The following PAPPA variants were observed in gnomAD, a reference collection of about 807,000 sequenced individuals.
PAPPA encodes the protein pappalysin 1, also known as pappalysin-1.
Under a neutral mutation model 164.0 loss-of-function variants are expected in PAPPA, and 60 were observed. The ratio of observed to expected loss-of-function variants is 0.37; its 90% CI spans 0.30 to 0.45. PAPPA has a LOEUF of 0.45. PAPPA is among the 20% of genes least tolerant of loss of function. The pLI is 1.00. For missense variants in PAPPA, 1,782 were observed against 2,087.3 expected, an observed-to-expected ratio of 0.85 and a Z score of 2.85; for synonymous variants, 875 against 814.1, an observed-to-expected ratio of 1.07 and a Z score of -1.27.
At chr9:116,361,822 C>T (rs991338554) in intron 17 of PAPPA, among the ~76,000 whole-genome samples, 3 of 152,144 alleles carry the variant, frequency 2.0e-5, no homozygotes, top group Admixed American at 6.5e-5. Flanking sequence ...TGGACACTAA[C>T]GAATCTTACT....
In PAPPA at chr9:116,271,309, C is replaced by T; in HGVS notation, c.2862-16C>T. On this transcript the variant is annotated splice_polypyrimidine_tract_variant and intron_variant, in intron 8 of 21. Coordinates refer to ENST00000328252, the MANE Select transcript of PAPPA (RefSeq NM_002581.5). This position sits in a 1 kb window ranked among gnomAD's most constrained non-coding sequence, Gnocchi z 4.2. ...AGACTAAATTGGCAAATTTCTCTTC[C>T]ATATCTGCTCTGCAGAGACCAAGGT... 1 of 1,597,532 alleles carries T rather than the reference C, an allele frequency of 6.3e-7. No individual in the cohort carries two copies. Among genetic ancestry groups the T allele is most frequent in the South Asian group, 1.1e-5 (1 of 90,574 alleles).
chr9:116,181,340 TTC>T (rs944105180), intron 1 of PAPPA, among the ~76,000 whole-genome samples: 8 of 143,166 alleles, frequency 5.6e-5, no homozygotes, highest in African/African-American at 1.9e-4. Context: ...CTCTCTCTCT[TTC>T]TCTCTCTCTC....
chr9:116,228,755 C>T (rs996376327), intron 6 of PAPPA, among the ~76,000 whole-genome samples: 3 of 152,150 alleles, frequency 2.0e-5, no homozygotes, highest in Non-Finnish European at 1.5e-5. Flanking sequence ...CGGGCTCCCC[C>T]CAAGTGCAGG....
At chr9:116,235,753 T>C in intron 7 of PAPPA, 116 bp downstream of exon 7, 1 of 987,292 alleles carries the variant, frequency 1.0e-6, no homozygotes, top group Non-Finnish European at 1.6e-6. Context: ...ACTCACTCTA[T>C]GGATTGTAAC....
At chr9:116,199,831 G>A (rs746494631) in intron 2 of PAPPA, among the ~76,000 whole-genome samples, 4 of 152,070 alleles carry the variant, frequency 2.6e-5, no homozygotes, top group Non-Finnish European at 5.9e-5. Flanking sequence ...CCTCATGCTT[G>A]GAAGGGGAAG....
intron 9 of PAPPA, among the ~76,000 whole-genome samples, chr9:116,300,215 C>T (rs1352064380): frequency 6.6e-6 from 1 of 151,988 alleles, no homozygotes; most frequent in African/African-American, 2.4e-5. Context: ...TTGATTTATT[C>T]TGTTTCTTTT....
At chr9:116,389,042 A>G (rs2118721040) in intron 21 of PAPPA, among the ~76,000 whole-genome samples, 1 of 152,206 alleles carries the variant, frequency 6.6e-6, no homozygotes, top group East Asian at 1.9e-4. Context: ...GTGGGTGATA[A>G]CCTACATTGA....
intron 8 of PAPPA, among the ~76,000 whole-genome samples, chr9:116,268,283 T>A (rs1845095190): frequency 6.6e-6 from 1 of 152,188 alleles, no homozygotes; most frequent in South Asian, 2.1e-4. Flanking sequence ...AAGATACAGT[T>A]TCCAATGCAG....
chr9:116,378,441 C>A (rs1213644086), intron 20 of PAPPA, among the ~76,000 whole-genome samples: 1 of 152,136 alleles, frequency 6.6e-6, no homozygotes, highest in African/African-American at 2.4e-5. Flanking sequence ...AGGTGGATGG[C>A]CAAATCTCTG....
intron 7 of PAPPA, among the ~76,000 whole-genome samples, chr9:116,252,942 A>G (rs1258531549): frequency 6.6e-6 from 1 of 152,200 alleles, no homozygotes; most frequent in Non-Finnish European, 1.5e-5. Context: ...TTCTCAAACT[A>G]TTAATTCATT....
intron 7 of PAPPA, among the ~76,000 whole-genome samples, chr9:116,258,464 C>T (rs1425965687): frequency 8.6e-5 from 13 of 151,912 alleles, no homozygotes; most frequent in Admixed American, 6.6e-5. Context: ...TGATACCAGC[C>T]TGACGAACAT....
chr9:116,208,070 G>A (rs551044846), intron 3 of PAPPA, among the ~76,000 whole-genome samples: 1 of 152,350 alleles, frequency 6.6e-6, no homozygotes, highest in African/African-American at 2.4e-5. Flanking sequence ...GAGTTTGCAA[G>A]AACTCTGTGT....
At chr9:116,379,579 CCAT>C (rs1399041918) in intron 20 of PAPPA, among the ~76,000 whole-genome samples, 2 of 151,786 alleles carry the variant, frequency 1.3e-5, no homozygotes, top group Admixed American at 6.6e-5. Flanking sequence ...ATCCATCCAT[CCAT>C]CGTTTTACTA....
chr9:116,156,420 G>A (rs1843606263), intron 1 of PAPPA, among the ~76,000 whole-genome samples: 1 of 150,396 alleles, frequency 6.6e-6, no homozygotes, highest in Admixed American at 6.6e-5. Flanking sequence ...CAGACAAGGA[G>A]CCTCTCTTCA....
chr9:116,198,585 A>G (rs190127087), intron 2 of PAPPA, among the ~76,000 whole-genome samples: 3 of 152,326 alleles, frequency 2.0e-5, no homozygotes, highest in African/African-American at 7.2e-5. Context: ...GAGAAGTCCA[A>G]GGTGCTGAGC....
Position 116,296,019 on chromosome 9 carries a change from A to T in PAPPA, c.2954-6738A>T, listed in dbSNP as rs534079027. 2.0e-4 allele frequency among the ~76,000 whole-genome samples: 31 copies of T among 152,352 alleles called. No homozygotes were observed. In the South Asian group the frequency reaches 2.3e-3, roughly 11 times the overall value. On this transcript the variant is annotated intron_variant, in intron 9 of 21. Coordinates refer to ENST00000328252, the MANE Select transcript of PAPPA (RefSeq NM_002581.5). ...AGCCCTCACTCCTAAAATCTCCAGA[A>T]AGCTTTGGTAGCTCTTATCTGTTGC...
intron 10 of PAPPA, among the ~76,000 whole-genome samples, chr9:116,313,663 A>C (rs1998499): frequency 0.15 from 23,283 of 152,216 alleles, 2,192 homozygotes; most frequent in African/African-American, 0.25. Context: ...TCCAGTAGAA[A>C]CTTCCATGAT....
intron 2 of PAPPA, among the ~76,000 whole-genome samples, chr9:116,195,838 T>C (rs1844097720): frequency 6.6e-6 from 1 of 152,238 alleles, no homozygotes; most frequent in African/African-American, 2.4e-5. Context: ...TCAACCACTC[T>C]GTACTACCAA....
At chr9:116,188,495 G>A (rs747870740) in intron 2 of PAPPA, among the ~76,000 whole-genome samples, 66 of 152,212 alleles carry the variant, frequency 4.3e-4, no homozygotes, top group Non-Finnish European at 5.9e-4. Context: ...AGTGATATAA[G>A]CTGAGTACAA....
Sources: allele counts gnomAD v4.1 joint callset (sites outside exome capture counted in the v4.1 genomes callset), GRCh38; gene constraint gnomAD v4.1.1; non-coding constraint Gnocchi (gnomAD v3.1); transcripts MANE v1.5; gene names NCBI Gene and HGNC (gene_info 2026-07-23, HGNC 2026-07-21).